The following PRELID2 variants were observed in gnomAD, a reference collection of about 807,000 sequenced individuals.
PRELID2 encodes the protein PRELI domain containing 2, also known as PRELI domain-containing protein 2.
Under a neutral mutation model 28.4 loss-of-function variants are expected in PRELID2, and 25 were observed. The ratio of observed to expected loss-of-function variants is 0.88; its 90% CI spans 0.64 to 1.23. PRELID2 has a LOEUF of 1.23. PRELID2 is among the 50% of genes most tolerant of loss of function. The pLI, the probability that PRELID2 is intolerant of heterozygous loss-of-function variation, is 0.00. For missense variants in PRELID2, 201 were observed against 214.4 expected (o/e 0.94, Z 0.39); for synonymous variants, 76 against 71.6 (o/e 1.06, Z -0.31).
At chr5:145,529,870 G>A (rs1752640554) in intron 1 of PRELID2, among the ~76,000 whole-genome samples, 1 of 152,132 alleles carries the variant, frequency 6.6e-6, no homozygotes, top group Non-Finnish European at 1.5e-5. Context: ...ACTTAGTGCT[G>A]TCTTGATTAA....
rs1226363219 is a variant in PRELID2, at chr5:145,740,923, T to C, written n.70+24008A>G. 8.6e-5 allele frequency among the ~76,000 whole-genome samples: 4 copies of C among 46,528 alleles called. 1 individual carries two copies. Among genetic ancestry groups the C allele is most frequent in the African/African-American group, 5.3e-5 (1 of 18,710 alleles). The allele number at this position is 46,528 out of a possible 152,430, so 30.5% of individuals were successfully genotyped here. The stretch of plus-strand genomic sequence containing the variant: ...ATAAATATATATGTACATATATTTA[T>C]CGATAAATATATATGTACATATATT... On this transcript the variant is annotated intron_variant and non_coding_transcript_variant, in intron 1 of 2. Coordinates refer to the PRELID2 transcript ENST00000510259.
intron 1 of PRELID2, among the ~76,000 whole-genome samples, chr5:145,649,056 T>G (rs1458453121): frequency 6.6e-6 from 1 of 151,932 alleles, no homozygotes; most frequent in Non-Finnish European, 1.5e-5. Flanking sequence ...TATTTTTGCA[T>G]TCAATCAATC....
chr5:145,613,415 G>T, intron 1 of PRELID2, among the ~76,000 whole-genome samples: 1 of 150,002 alleles, frequency 6.7e-6, no homozygotes, highest in African/African-American at 2.4e-5. Flanking sequence ...ATTTACATTA[G>T]GTATATCTCC....
the PRELID2 span, among the ~76,000 whole-genome samples, chr5:145,261,288 G>A: frequency 2.0e-5 from 3 of 152,188 alleles, no homozygotes; most frequent in African/African-American, 7.2e-5. Context: ...ACCAGAGCCT[G>A]ACCCTAGGGC....
the PRELID2 span, among the ~76,000 whole-genome samples, chr5:145,382,204 A>G: frequency 6.6e-6 from 1 of 152,076 alleles, no homozygotes; most frequent in Non-Finnish European, 1.5e-5. Flanking sequence ...AATAAAAAGT[A>G]TACAAGCTAA....
chr5:145,754,104 TA>T (rs1461210829), downstream of PRELID2: 3 of 152,206 alleles, frequency 2.0e-5, no homozygotes, highest in East Asian at 5.8e-4. Context: ...AGCTTGAAGG[TA>T]AAAAACATTT....
the PRELID2 span, among the ~76,000 whole-genome samples, chr5:145,444,137 G>A: frequency 2.0e-5 from 3 of 151,966 alleles, no homozygotes; most frequent in South Asian, 2.1e-4. Flanking sequence ...TGCCCTCTGT[G>A]TAATAAATTT....
At chr5:145,680,142 G>C (rs141673929) in intron 1 of PRELID2, among the ~76,000 whole-genome samples, 4 of 152,176 alleles carry the variant, frequency 2.6e-5, no homozygotes, top group Middle Eastern at 6.8e-3. Flanking sequence ...ATATAGAATC[G>C]AGGGCACTAC....
intron 1 of PRELID2, among the ~76,000 whole-genome samples, chr5:145,605,623 T>C (rs1257225391): frequency 1.3e-5 from 2 of 152,164 alleles, no homozygotes; most frequent in African/African-American, 2.4e-5. Context: ...TCTAGCTTTG[T>C]TCTTTTTGCT....
intron 1 of PRELID2, among the ~76,000 whole-genome samples, chr5:145,688,516 A>G (rs1025106819): frequency 1.3e-5 from 2 of 152,220 alleles, no homozygotes; most frequent in African/African-American, 4.8e-5. Context: ...CAAACAATAT[A>G]TGCCATCAGA....
the PRELID2 span, among the ~76,000 whole-genome samples, chr5:145,436,087 C>T: frequency 1.3e-5 from 2 of 152,090 alleles, no homozygotes; most frequent in African/African-American, 2.4e-5. Flanking sequence ...CACCCTCCTC[C>T]CAACCTCCAC....
intron 5 of PRELID2, among the ~76,000 whole-genome samples, chr5:145,784,076 G>A (rs1026887509): frequency 1.3e-5 from 2 of 151,984 alleles, no homozygotes; most frequent in Admixed American, 1.3e-4. Flanking sequence ...GAGGCCACAG[G>A]TCCGATACCA....
rs142401992 is a variant in PRELID2, at chr5:145,751,175, C to A, written n.70+13756G>T. 4.6e-3 allele frequency among the ~76,000 whole-genome samples: 694 copies of A among 152,278 alleles called. 7 individuals are homozygous for A. Among genetic ancestry groups the A allele is most frequent in the African/African-American group, 0.015 (623 of 41,558 alleles). ...CTCATTATATTGATATATAGGACTT[C>A]TTTCTCAACTAAGAGCTTTAGTAAC... On this transcript the variant is annotated intron_variant and non_coding_transcript_variant, in intron 1 of 2. Transcript: ENST00000510259.
At chr5:145,527,840 A>G (rs961783021) in intron 1 of PRELID2, among the ~76,000 whole-genome samples, 2 of 152,190 alleles carry the variant, frequency 1.3e-5, no homozygotes, top group Non-Finnish European at 2.9e-5. Flanking sequence ...GGTAACACTT[A>G]GAAGAGTGAC....
At chr5:145,788,152 T>C (rs1752125838) in intron 5 of PRELID2, among the ~76,000 whole-genome samples, 1 of 151,454 alleles carries the variant, frequency 6.6e-6, no homozygotes, top group East Asian at 1.9e-4. Context: ...GGTTGGGCCA[T>C]CTTCCAAGGC....
the PRELID2 span, among the ~76,000 whole-genome samples, chr5:145,302,336 C>T: frequency 6.6e-6 from 1 of 151,918 alleles, no homozygotes; most frequent in South Asian, 2.1e-4. Context: ...GGGGGTTTCT[C>T]CGTGTTGCCC....
intron 1 of PRELID2, among the ~76,000 whole-genome samples, chr5:145,619,406 C>T (rs770843558): frequency 2.1e-4 from 32 of 152,316 alleles, no homozygotes; most frequent in Non-Finnish European, 4.4e-4. Context: ...GTATTTCACT[C>T]GGCTGTCTAA....
rs70998038 is a variant in PRELID2 at position 145,821,152 on chromosome 5, G to GGTGTGT, written c.134-1140_134-1135dup. On this transcript the variant is annotated intron_variant, in intron 2 of 6. Coordinates refer to ENST00000683046, the MANE Select transcript of PRELID2 (RefSeq NM_205846.3). ...ACCTGATGGTCATCCAACTCTCCTG[G>GGTGTGT]GTGTGTGTGTGTGTGTGTGTGTGTG... Among the ~76,000 whole-genome samples, 35 of 88,190 alleles carry GGTGTGT rather than the reference G, an allele frequency of 4.0e-4. 1 individual carries two copies. Among genetic ancestry groups the GGTGTGT allele is most frequent in the African/African-American group, 7.2e-4 (18 of 24,956 alleles). 57.9% of individuals were successfully genotyped at this position (88,190 alleles called of 152,430 possible).
the PRELID2 span, among the ~76,000 whole-genome samples, chr5:145,363,646 TG>T: frequency 6.6e-6 from 1 of 152,172 alleles, no homozygotes; most frequent in African/African-American, 2.4e-5. Context: ...GGTAAGAAAT[TG>T]TATCTTTATA....
Sources: allele counts gnomAD v4.1 joint callset (sites outside exome capture counted in the v4.1 genomes callset), GRCh38; gene constraint gnomAD v4.1.1; transcripts MANE v1.5; gene names NCBI Gene and HGNC (gene_info 2026-07-23, HGNC 2026-07-21).